Variants in TRANK1 observed in about 807,000 individuals in gnomAD.
The protein encoded by TRANK1 is TPR and ankyrin repeat-containing protein 1.
Under a neutral mutation model 266.0 loss-of-function variants are expected in TRANK1, and 198 were observed. That is an observed-to-expected ratio of 0.74 (90% CI 0.66 to 0.84). The LOEUF (loss-of-function observed/expected upper bound fraction) is 0.84. Ranked by LOEUF, TRANK1 falls within the 40% of genes least tolerant of loss-of-function variation. TRANK1 has a pLI of 0.00. For synonymous variants in TRANK1, 1,396 were observed against 1,384.1 expected, an observed-to-expected ratio of 1.01 and a Z score of -0.19; for missense variants, 3,326 against 3,634.6, an observed-to-expected ratio of 0.92 and a Z score of 2.18.
chr3:36,906,559 T>C (rs912896758), intron 2 of TRANK1, among the ~76,000 whole-genome samples: 3 of 152,150 alleles, frequency 2.0e-5, no homozygotes, highest in Admixed American at 6.5e-5. Flanking sequence ...TAGGAGATTA[T>C]CCTGAATTAT....
intron 4 of TRANK1, 93 bp downstream of exon 4, chr3:36,899,016 C>G: frequency 7.4e-7 from 1 of 1,360,392 alleles, no homozygotes; most frequent in South Asian, 1.4e-5. Flanking sequence ...AAAGAAACAC[C>G]CAGAAAGTAT....
At chr3:36,914,022 T>C (rs2080091181) in intron 1 of TRANK1, among the ~76,000 whole-genome samples, 1 of 152,178 alleles carries the variant, frequency 6.6e-6, no homozygotes, top group African/African-American at 2.4e-5. Flanking sequence ...CTCCGAACTG[T>C]TTTTGTAAAA....
intron 20 of TRANK1, among the ~76,000 whole-genome samples, chr3:36,836,308 G>T (rs1449765946): frequency 4.9e-5 from 3 of 61,452 alleles, no homozygotes; most frequent in Non-Finnish European, 1.1e-4. Context: ...GCTATGTGTG[G>T]GAGCCAGGAG....
At position 36,938,914 on chromosome 3, in the gene TRANK1, C is replaced by A. The variant is rs542798783; in HGVS notation, c.23+5873G>T. Among the ~76,000 whole-genome samples the A allele has an allele frequency of 5.3e-5, 8 of 151,600 alleles. No homozygotes were observed. The East Asian group carries it at 1.5e-3, about 29-fold the overall frequency. On this transcript the variant is annotated intron_variant, in intron 1 of 23. Coordinates refer to ENST00000645898, the MANE Select transcript of TRANK1 (RefSeq NM_001329998.2). Reference sequence around the variant, plus strand: ...GGCAGAGGCTGCAGTGAGCCTAGATCGTGCCACCAAACTCCAGCCTGGGCA... The same window carrying A: ...GGCAGAGGCTGCAGTGAGCCTAGATAGTGCCACCAAACTCCAGCCTGGGCA...
At chr3:36,869,807 G>A (rs1208263198) in intron 9 of TRANK1, among the ~76,000 whole-genome samples, 1 of 152,208 alleles carries the variant, frequency 6.6e-6, no homozygotes. Flanking sequence ...AGATGCATGA[G>A]CCACACACAT....
intron 1 of TRANK1, among the ~76,000 whole-genome samples, chr3:36,938,713 C>T (rs1423386358): frequency 6.6e-6 from 1 of 152,076 alleles, no homozygotes; most frequent in Non-Finnish European, 1.5e-5. Flanking sequence ...AATCCCAGCA[C>T]TCTGGGAGGC....
At chr3:36,888,819 G>A (rs1281969516) in intron 8 of TRANK1, among the ~76,000 whole-genome samples, 1 of 152,210 alleles carries the variant, frequency 6.6e-6, no homozygotes, top group African/African-American at 2.4e-5. Context: ...TACTTTGGGA[G>A]GCCGAGGCAG....
chr3:36,908,688 A>G, intron 1 of TRANK1: 3 of 950,908 alleles, frequency 3.2e-6, no homozygotes, highest in Non-Finnish European at 3.8e-6. Flanking sequence ...AATTCCATTT[A>G]TTCAGCATTA....
intron 8 of TRANK1, among the ~76,000 whole-genome samples, chr3:36,886,277 G>A (rs1362758011): frequency 6.6e-6 from 1 of 151,480 alleles, no homozygotes; most frequent in African/African-American, 2.4e-5. Flanking sequence ...TGGGACTACA[G>A]GTGCCCACCA....
At chr3:36,909,692 G>A (rs2080024279) in intron 1 of TRANK1, among the ~76,000 whole-genome samples, 1 of 152,126 alleles carries the variant, frequency 6.6e-6, no homozygotes, top group Admixed American at 6.5e-5. Flanking sequence ...GTCAGAGGGG[G>A]AAACAGACCC....
intron 8 of TRANK1, among the ~76,000 whole-genome samples, chr3:36,885,513 A>C (rs1347754469): frequency 1.3e-5 from 2 of 152,170 alleles, no homozygotes; most frequent in Non-Finnish European, 2.9e-5. Context: ...GTTAGTGAAA[A>C]AGCTAGCGAA....
intron 8 of TRANK1, among the ~76,000 whole-genome samples, chr3:36,887,097 T>G (rs1024062593): frequency 6.6e-6 from 1 of 152,028 alleles, no homozygotes; most frequent in African/African-American, 2.4e-5. Flanking sequence ...GGAGATGTGT[T>G]TTTTGTAAAT....
Position 36,857,225 on chromosome 3 carries a change from T to C in TRANK1, c.2497A>G (p.Thr833Ala), listed in dbSNP as rs1265560511. The stretch of plus-strand genomic sequence containing the variant: ...TCTGAAGTGCACTCGATCTCCCAGG[T>C]CATGTTATCGAAGTCCTGGAGGCAG... ...EACLQDFDNM[T>A]WEIECTSEML... The change falls in exon 13 of 24, where the codon ACC (threonine) becomes GCC (alanine). Residue 833 changes from threonine to alanine, a missense_variant. By Grantham distance (58) the Thr-to-Ala change is moderately conservative. Coordinates refer to ENST00000645898, the MANE Select transcript of TRANK1 (RefSeq NM_001329998.2). The surrounding 1 kb of genome is among the most constrained non-coding windows in gnomAD (Gnocchi z 4.3). 1 of 1,613,812 alleles carries C rather than the reference T, an allele frequency of 6.2e-7. No individual in the cohort carries two copies. The highest frequency in any genetic ancestry group is 1.1e-5 in the South Asian group (1 of 91,060).
chr3:36,911,034 C>T (rs1246530043), intron 1 of TRANK1, among the ~76,000 whole-genome samples: 1 of 152,028 alleles, frequency 6.6e-6, no homozygotes, highest in African/African-American at 2.4e-5. Flanking sequence ...CACGCCACTG[C>T]ACTCCAGCCT....
intron 8 of TRANK1, among the ~76,000 whole-genome samples, chr3:36,884,260 T>C (rs1280449692): frequency 6.6e-6 from 1 of 152,142 alleles, no homozygotes; most frequent in East Asian, 1.9e-4. Context: ...TGCCAAAAAG[T>C]CCTAGAAACA....
At chr3:36,907,459 A>ATT (rs1212991729) in intron 2 of TRANK1, among the ~76,000 whole-genome samples, 2,468 of 104,256 alleles carry the variant, frequency 0.024, 60 homozygotes, top group Non-Finnish European at 0.027. Context: ...AAATTTATTG[A>ATT]TTTTTTTTTT....
rs200610377 is a variant in TRANK1, at chr3:36,831,823, C to T, written c.7760G>A (p.Arg2587His). ...LQPYCKPLLY[R>H]HFREIESRLQ... ...CCTTGACTCAATCTCCCGGAAGTGG[C>T]GATACAGGAGAGGCTTGCAGTATGG... The change falls in exon 22 of 24, where the codon CGC becomes CAC. Residue 2587 changes from arginine to histidine, a missense_variant. Transcript: ENST00000645898. This position sits in a 1 kb window ranked among gnomAD's most constrained non-coding sequence, Gnocchi z 5.0. 2.8e-5 allele frequency: 45 copies of T among 1,613,822 alleles called. 1 individual carries two copies. In the African/African-American group the frequency reaches 3.1e-4, roughly 11 times the overall value.
chr3:36,838,372 C>T lies in TRANK1; in HGVS notation c.5517G>A (p.Lys1839=), dbSNP rs1379037680. Residue 1839 remains lysine (K), a splice_region_variant and synonymous_variant, in exon 20 of 24, where the codon AAG becomes AAA. Coordinates refer to ENST00000645898, the MANE Select transcript of TRANK1 (RefSeq NM_001329998.2). ...AGCAGCAGCGGACTAGGAGCCATAC[C>T]TTTCCCAGCCTCTCGCACAGCTGGG... ...LSAQLCERLG[K]IRDAAYFYKR... is the part of the protein sequence containing the mutation. 1 of 1,613,892 alleles carries T rather than the reference C, an allele frequency of 6.2e-7. No individual in the cohort carries two copies. The highest frequency in any genetic ancestry group is 8.5e-7 in the Non-Finnish European group (1 of 1,179,826).
At chr3:36,899,956 C>A (rs1466162811) in intron 3 of TRANK1, among the ~76,000 whole-genome samples, 1 of 152,190 alleles carries the variant, frequency 6.6e-6, no homozygotes, top group Non-Finnish European at 1.5e-5. Context: ...AACTCCTGGG[C>A]TCAAACTAAC....
Sources: gnomAD v4.1 joint callset for allele counts (sites outside exome capture counted in the v4.1 genomes callset) on GRCh38, gnomAD v4.1.1 for gene constraint, Gnocchi (gnomAD v3.1) non-coding constraint, MANE v1.5 for transcripts, NCBI Gene and HGNC (gene_info 2026-07-23, HGNC 2026-07-21) for gene names.